TENM3: variants seen among roughly 807,000 people sequenced by gnomAD.
The protein encoded by TENM3 is teneurin transmembrane protein 3.
In TENM3, 63 loss-of-function variants were observed where a neutral mutation model predicts 255.1. The observed-to-expected ratio is 0.25, with a 90% confidence interval of 0.20 to 0.30. TENM3 has a LOEUF of 0.30. Among genes scored for constraint, TENM3 ranks in the 10% least tolerant of loss-of-function variants. The pLI, the probability that TENM3 is intolerant of heterozygous loss-of-function variation, is 1.00. For missense variants in TENM3, 2,929 were observed against 3,461.1 expected, an observed-to-expected ratio of 0.85 and a Z score of 3.86; for synonymous variants, 1,306 against 1,322.3, an observed-to-expected ratio of 0.99 and a Z score of 0.27.
chr4:182,305,183 G>A (rs182296528), intron 1 of TENM3, among the ~76,000 whole-genome samples: 49 of 151,762 alleles, frequency 3.2e-4, no homozygotes, highest in African/African-American at 1.2e-3. Flanking sequence ...AAGTATAGAA[G>A]AGGACATGGT....
intron 1 of TENM3, among the ~76,000 whole-genome samples, chr4:182,168,101 T>G (rs1255731309): frequency 6.6e-6 from 1 of 152,046 alleles, no homozygotes; most frequent in Non-Finnish European, 1.5e-5. Context: ...CTATGTTCAC[T>G]CTACTCTTCA....
At chr4:182,183,109 GTTAAT>G (rs768057463) in intron 1 of TENM3, among the ~76,000 whole-genome samples, 1 of 152,188 alleles carries the variant, frequency 6.6e-6, no homozygotes, top group Non-Finnish European at 1.5e-5. Context: ...TGGAGGAACA[GTTAAT>G]TTATATTAGC....
chr4:182,180,238 T>C (rs1041912315), intron 1 of TENM3, among the ~76,000 whole-genome samples: 2 of 152,260 alleles, frequency 1.3e-5, no homozygotes, highest in Non-Finnish European at 2.9e-5. Flanking sequence ...TGCTTGTTTT[T>C]CCTTGCTTTT....
the TENM3 span, among the ~76,000 whole-genome samples, chr4:181,980,935 T>C: frequency 6.6e-6 from 1 of 152,136 alleles, no homozygotes; most frequent in South Asian, 2.1e-4. Context: ...CATTAGATGA[T>C]ATTTCAAGAA....
At chr4:182,380,111 A>G (rs1561385488) in intron 3 of TENM3, among the ~76,000 whole-genome samples, 4 of 152,116 alleles carry the variant, frequency 2.6e-5, no homozygotes, top group Non-Finnish European at 2.9e-5. Flanking sequence ...TCTACTAAAA[A>G]TACAAAAAAA....
At chr4:181,812,134 T>G in the TENM3 span, among the ~76,000 whole-genome samples, 1 of 152,198 alleles carries the variant, frequency 6.6e-6, no homozygotes, top group Admixed American at 6.5e-5. Flanking sequence ...TGGCCAAATA[T>G]TTTGGCTCAC....
chr4:181,741,500 T>C, the TENM3 span, among the ~76,000 whole-genome samples: 7 of 152,244 alleles, frequency 4.6e-5, no homozygotes, highest in African/African-American at 7.2e-5. Context: ...GTTCATAATA[T>C]TGGCAGATAA....
the TENM3 span, among the ~76,000 whole-genome samples, chr4:181,583,225 C>G: frequency 6.6e-6 from 1 of 151,380 alleles, no homozygotes; most frequent in Non-Finnish European, 1.5e-5. Context: ...TATCCATATA[C>G]TTTAAAACGA....
the TENM3 span, among the ~76,000 whole-genome samples, chr4:181,605,540 A>AAG: frequency 8.3e-4 from 28 of 33,652 alleles, 1 homozygote; most frequent in African/African-American, 2.2e-3. Context: ...GAAAGAAAGA[A>AAG]AGAAAGAAAG....
chr4:181,514,285 A>G, the TENM3 span, among the ~76,000 whole-genome samples: 1 of 152,274 alleles, frequency 6.6e-6, no homozygotes, highest in East Asian at 1.9e-4. Context: ...AAAGTTTTTA[A>G]AAAAAATTTA....
chr4:182,676,232 G>C (rs1755649141), intron 7 of TENM3, among the ~76,000 whole-genome samples: 1 of 152,206 alleles, frequency 6.6e-6, no homozygotes. Flanking sequence ...AGGAATCAGT[G>C]GGCTCTCTTC....
chr4:182,246,879 T>C (rs1255081815), intron 1 of TENM3, among the ~76,000 whole-genome samples: 1 of 152,164 alleles, frequency 6.6e-6, no homozygotes, highest in Non-Finnish European at 1.5e-5. Flanking sequence ...TAATCATCGC[T>C]GTTAAACTGA....
chr4:182,032,112 G>A, the TENM3 span, among the ~76,000 whole-genome samples: 5 of 152,128 alleles, frequency 3.3e-5, no homozygotes, highest in Non-Finnish European at 7.3e-5. Flanking sequence ...GTGAGAGAGG[G>A]TATCCTTGTC....
chr4:182,021,250 T>G, the TENM3 span, among the ~76,000 whole-genome samples: 2 of 152,224 alleles, frequency 1.3e-5, no homozygotes, highest in Non-Finnish European at 2.9e-5. Context: ...ATTGTTCTTC[T>G]TCATGGCTGT....
At chr4:181,672,461 A>G in the TENM3 span, among the ~76,000 whole-genome samples, 5 of 152,306 alleles carry the variant, frequency 3.3e-5, no homozygotes, top group East Asian at 7.7e-4. Flanking sequence ...AAACCCACTT[A>G]GCACTTCTGT....
the TENM3 span, among the ~76,000 whole-genome samples, chr4:181,518,719 G>T: frequency 6.6e-6 from 1 of 152,188 alleles, no homozygotes; most frequent in Non-Finnish European, 1.5e-5. Flanking sequence ...GAGCCACCTT[G>T]TCTGGCCAGG....
the TENM3 span, among the ~76,000 whole-genome samples, chr4:181,762,837 C>G: frequency 6.6e-6 from 1 of 151,834 alleles, no homozygotes; most frequent in Non-Finnish European, 1.5e-5. Flanking sequence ...TTTTAGTTCT[C>G]TAGTTGTATT....
At chr4:182,672,945 T>A in intron 6 of TENM3, 60 bp from the exon 7 acceptor site, 1 of 1,279,842 alleles carries the variant, frequency 7.8e-7, no homozygotes, top group South Asian at 1.5e-5. Flanking sequence ...TTTAAAAACC[T>A]TTTTTGTTTT....
At chr4:181,771,164 C>T in the TENM3 span, among the ~76,000 whole-genome samples, 1 of 152,140 alleles carries the variant, frequency 6.6e-6, no homozygotes, top group African/African-American at 2.4e-5. Flanking sequence ...CCACAATATG[C>T]TTTAATGTGT....
Sources: allele counts gnomAD v4.1 joint callset (sites outside exome capture counted in the v4.1 genomes callset), GRCh38; gene constraint gnomAD v4.1.1; transcripts MANE v1.5; gene names NCBI Gene and HGNC (gene_info 2026-07-23, HGNC 2026-07-21).